TMEM117: variants seen among roughly 807,000 people sequenced by gnomAD.
The protein encoded by TMEM117 is transmembrane protein 117.
In TMEM117, 27 loss-of-function variants were observed where a neutral mutation model predicts 52.4. The ratio of observed to expected loss-of-function variants is 0.51; its 90% CI spans 0.38 to 0.71. TMEM117 has a LOEUF of 0.71. TMEM117 is among the 30% of genes least tolerant of loss of function. The probability of loss-of-function intolerance (pLI) is 0.00; values close to 1 mark genes in which losing one functional copy is unlikely to be tolerated. For synonymous variants in TMEM117, 215 were observed against 206.3 expected (o/e 1.04, Z -0.36); for missense variants, 556 against 630.5 (o/e 0.88, Z 1.26).
At chr12:44,012,388 CTGTTTT>C (rs1306709341) in intron 3 of TMEM117, among the ~76,000 whole-genome samples, 2 of 147,114 alleles carry the variant, frequency 1.4e-5, no homozygotes, top group African/African-American at 5.0e-5. Context: ...AATATTGTTT[CTGTTTT>C]TGTTTTTTTT....
chr12:44,170,569 A>G (rs1949031570), intron 4 of TMEM117, among the ~76,000 whole-genome samples: 1 of 152,080 alleles, frequency 6.6e-6, no homozygotes, highest in Admixed American at 6.6e-5. Flanking sequence ...TCTTTTCTGG[A>G]TGAACTTTTT....
chr12:43,886,540 CTTTGAAGGTGAGGAAAGAGACAG>C (rs1472142826), intron 2 of TMEM117, among the ~76,000 whole-genome samples: 3 of 152,014 alleles, frequency 2.0e-5, no homozygotes, highest in Non-Finnish European at 4.4e-5. Flanking sequence ...AAAAATTGGG[CTTTGAAGGTGAGGAAAGAGACAG>C]CAATAATTTG....
chr12:44,079,835 G>A (rs1055468735), intron 3 of TMEM117, among the ~76,000 whole-genome samples: 1 of 151,856 alleles, frequency 6.6e-6, no homozygotes, highest in East Asian at 1.9e-4. Context: ...GGCCAACGTG[G>A]TGAAACCTCA....
chr12:44,279,156 T>C (rs1695928020), intron 5 of TMEM117, among the ~76,000 whole-genome samples: 1 of 152,214 alleles, frequency 6.6e-6, no homozygotes, highest in African/African-American at 2.4e-5. Flanking sequence ...AAAGTCAAAG[T>C]CAAAAGCTAT....
chr12:43,831,384 A>C (rs1260256327), upstream of TMEM117, among the ~76,000 whole-genome samples: 1 of 152,128 alleles, frequency 6.6e-6, no homozygotes, highest in Non-Finnish European at 1.5e-5. Context: ...AGAGAGGATA[A>C]ATTGGTTCAT....
At chr12:43,935,874 GT>G (rs1316295613) in intron 2 of TMEM117, among the ~76,000 whole-genome samples, 1 of 152,170 alleles carries the variant, frequency 6.6e-6, no homozygotes, top group Non-Finnish European at 1.5e-5. Flanking sequence ...AGTTAGTTGA[GT>G]TATGGAGAAG....
chr12:44,124,731 C>A (rs1021899456), intron 3 of TMEM117, among the ~76,000 whole-genome samples: 6 of 152,166 alleles, frequency 3.9e-5, no homozygotes, highest in Admixed American at 6.5e-5. Flanking sequence ...GTTGAACCAG[C>A]CTTGCATCCC....
intron 6 of TMEM117, among the ~76,000 whole-genome samples, chr12:44,324,506 G>A (rs1416598092): frequency 6.6e-6 from 1 of 151,788 alleles, no homozygotes; most frequent in Non-Finnish European, 1.5e-5. Flanking sequence ...TGAGTTCAGG[G>A]TACTACATTA....
At chr12:43,825,675 G>T in the TMEM117 span, among the ~76,000 whole-genome samples, 3 of 152,080 alleles carry the variant, frequency 2.0e-5, no homozygotes, top group African/African-American at 7.2e-5. Context: ...GCAGTAACAT[G>T]AATAATTCCC....
chr12:44,359,133 A>C (rs1592716873), intron 6 of TMEM117, among the ~76,000 whole-genome samples: 1 of 152,100 alleles, frequency 6.6e-6, no homozygotes, highest in East Asian at 1.9e-4. Context: ...AATGAAAGCA[A>C]GATTTATAAG....
At chr12:44,011,534 G>C (rs909760813) in intron 3 of TMEM117, among the ~76,000 whole-genome samples, 1 of 151,962 alleles carries the variant, frequency 6.6e-6, no homozygotes, top group Non-Finnish European at 1.5e-5. Context: ...CTTGCCTTCC[G>C]TCATGATTGT....
At chr12:44,331,745 C>G (rs900588362) in intron 6 of TMEM117, among the ~76,000 whole-genome samples, 1 of 151,820 alleles carries the variant, frequency 6.6e-6, no homozygotes, top group Non-Finnish European at 1.5e-5. Context: ...TTTTGAATAC[C>G]CTTTCTTGTC....
At chr12:43,841,254 T>A (rs1021190430) in intron 1 of TMEM117, among the ~76,000 whole-genome samples, 7 of 152,192 alleles carry the variant, frequency 4.6e-5, no homozygotes, top group Non-Finnish European at 7.4e-5. Context: ...ATGGGAAATA[T>A]CTTACTGGAA....
chr12:44,270,555 G>T (rs528658892), intron 5 of TMEM117, among the ~76,000 whole-genome samples: 24 of 151,786 alleles, frequency 1.6e-4, no homozygotes, highest in Non-Finnish European at 2.8e-4. Context: ...TCATATCATC[G>T]GTAAAGAGTG....
At chr12:43,868,729 G>A (rs902065773) in intron 2 of TMEM117, among the ~76,000 whole-genome samples, 1 of 152,064 alleles carries the variant, frequency 6.6e-6, no homozygotes, top group Non-Finnish European at 1.5e-5. Flanking sequence ...TATTTTAAAT[G>A]CTTATATTAG....
At chr12:43,963,828 A>T (rs1945442735) in intron 3 of TMEM117, among the ~76,000 whole-genome samples, 1 of 152,162 alleles carries the variant, frequency 6.6e-6, no homozygotes. Context: ...AGTTTTGGAG[A>T]ATTTAATGAA....
intron 5 of TMEM117, among the ~76,000 whole-genome samples, chr12:44,260,747 A>G (rs1950311150): frequency 1.3e-5 from 2 of 152,316 alleles, no homozygotes; most frequent in East Asian, 1.9e-4. Context: ...GTTTAAAACC[A>G]TCCTCCACCC....
At chr12:44,022,866 C>G (rs555671605) in intron 3 of TMEM117, among the ~76,000 whole-genome samples, 16 of 152,098 alleles carry the variant, frequency 1.1e-4, no homozygotes, top group African/African-American at 3.4e-4. Context: ...AAAAGGAAAA[C>G]AAGGAGGTTT....
chr12:43,964,588 A>G (rs78887319), intron 3 of TMEM117, among the ~76,000 whole-genome samples: 2,460 of 152,288 alleles, frequency 0.016, 49 homozygotes, highest in African/African-American at 0.055. Flanking sequence ...ATCAAAATCT[A>G]GTTCTTTTTC....
Sources: gnomAD v4.1 joint callset for allele counts (sites outside exome capture counted in the v4.1 genomes callset) on GRCh38, gnomAD v4.1.1 for gene constraint, MANE v1.5 for transcripts, NCBI Gene and HGNC (gene_info 2026-07-23, HGNC 2026-07-21) for gene names.